CCDC146: variants seen among roughly 807,000 people sequenced by gnomAD.
CCDC146 encodes coiled-coil domain-containing protein 146.
CCDC146 carries 92 observed loss-of-function variants against 119.3 expected under a neutral mutation model. That is an observed-to-expected ratio of 0.77 (90% confidence interval 0.65 to 0.92). CCDC146 has a LOEUF of 0.92. Ranked by LOEUF, CCDC146 falls within the 40% of genes least tolerant of loss-of-function variation. The pLI, the probability that CCDC146 is intolerant of heterozygous loss-of-function variation, is 0.00. For synonymous variants in CCDC146, 372 were observed against 371.8 expected, an observed-to-expected ratio of 1.00 and a Z score of -0.01; for missense variants, 1,000 against 1,103.0, an observed-to-expected ratio of 0.91 and a Z score of 1.32.
chr7:77,148,850 A>G (rs1315031926), intron 1 of CCDC146, among the ~76,000 whole-genome samples: 1 of 151,904 alleles, frequency 6.6e-6, no homozygotes, highest in Non-Finnish European at 1.5e-5. Context: ...AAATGGAAAA[A>G]CATTCCATGC....
At chr7:77,191,992 T>C (rs1024557373) in intron 2 of CCDC146, among the ~76,000 whole-genome samples, 1 of 151,910 alleles carries the variant, frequency 6.6e-6, no homozygotes, top group Non-Finnish European at 1.5e-5. Context: ...AGTGGCGCCA[T>C]CTCTGCTCAC....
At chr7:77,173,273 G>C (rs1041242184) in intron 2 of CCDC146, among the ~76,000 whole-genome samples, 17 of 151,924 alleles carry the variant, frequency 1.1e-4, no homozygotes, top group South Asian at 4.2e-4. Context: ...ACCTATGATC[G>C]CAATAAGACC....
chr7:77,245,160 T>C (rs1792925073), intron 4 of CCDC146, among the ~76,000 whole-genome samples: 1 of 152,248 alleles, frequency 6.6e-6, no homozygotes, highest in African/African-American at 2.4e-5. Context: ...ATTAAATCTA[T>C]GTTGCAGTAG....
At chr7:77,288,298 G>GA (rs1254837252) in intron 17 of CCDC146, among the ~76,000 whole-genome samples, 1 of 152,218 alleles carries the variant, frequency 6.6e-6, no homozygotes, top group Non-Finnish European at 1.5e-5. Context: ...TGCTGTAAAG[G>GA]AATACCTGAG....
chr7:77,198,910 C>T (rs1471537820), intron 2 of CCDC146: 2 of 476,718 alleles, frequency 4.2e-6, no homozygotes. Context: ...ATTCTCTCTA[C>T]TTCTGCTTGC....
At chr7:77,189,317 T>C (rs1415527195) in intron 2 of CCDC146, among the ~76,000 whole-genome samples, 1 of 152,170 alleles carries the variant, frequency 6.6e-6, no homozygotes, top group African/African-American at 2.4e-5. Flanking sequence ...ATTGTTATTA[T>C]CTACCACTGG....
At chr7:77,161,857 G>A (rs929652519) in intron 1 of CCDC146, among the ~76,000 whole-genome samples, 13 of 148,244 alleles carry the variant, frequency 8.8e-5, no homozygotes, top group African/African-American at 1.7e-4. Context: ...GGTGTGAGGC[G>A]ACATCTTATT....
At chr7:77,237,110 T>C (rs1398424792) in intron 3 of CCDC146, 81 bp downstream of exon 3, 1 of 1,155,348 alleles carries the variant, frequency 8.7e-7, no homozygotes. Flanking sequence ...TCATTTGCAT[T>C]CCCCCATAAG....
chr7:77,144,366 A>G (rs933281045), intron 1 of CCDC146, among the ~76,000 whole-genome samples: 20 of 151,616 alleles, frequency 1.3e-4, no homozygotes, highest in Admixed American at 3.9e-4. Context: ...CTGCAAACAG[A>G]GACAATTTGA....
At chr7:77,238,694 G>C (rs1792786316) in intron 3 of CCDC146, among the ~76,000 whole-genome samples, 1 of 152,186 alleles carries the variant, frequency 6.6e-6, no homozygotes, top group South Asian at 2.1e-4. Flanking sequence ...TGGGATTACA[G>C]GCGTGAGCCA....
In CCDC146 at chr7:77,280,447, G is replaced by A. The variant is rs771660449; in HGVS notation, c.1713G>A (p.Met571Ile). 8 of 1,611,698 alleles carry A rather than the reference G, an allele frequency of 5.0e-6. No homozygotes were observed. In the South Asian group the frequency reaches 8.9e-5, roughly 18 times the overall value. The change falls in exon 14 of 19, where the codon ATG becomes ATA. Residue 571 changes from methionine to isoleucine, a missense_variant. Met to Ile is a conservative substitution (Grantham distance 10). Around this residue, in one of 2 missense-constraint regions of CCDC146, gnomAD observed 985 missense variants for 1,045.3 expected, o/e 0.94. Coordinates refer to ENST00000285871, the MANE Select transcript of CCDC146 (RefSeq NM_020879.3). ...TTAAAAGAAAGCTACAAAATTCCATGCTGAAACACGCCAACAATGTTACCA... is the reference window on the plus strand; with the variant it reads ...TTAAAAGAAAGCTACAAAATTCCATACTGAAACACGCCAACAATGTTACCA... ...VSQERKLQNS[M>I]LKHANNVTIR... is the part of the protein sequence containing the mutation.
chr7:77,248,267 A>G (rs1792992625), intron 4 of CCDC146, among the ~76,000 whole-genome samples: 1 of 152,190 alleles, frequency 6.6e-6, no homozygotes, highest in South Asian at 2.1e-4. Context: ...CTGGAGACTT[A>G]GAAGGGTGGG....
rs148777997 is a variant in CCDC146, at chr7:77,250,856, A to G, written c.450-3650A>G. Among the ~76,000 whole-genome samples the G allele has an allele frequency of 2.3e-5, 3 of 128,794 alleles. No homozygotes were observed. In the South Asian group the frequency reaches 7.7e-4, roughly 33 times the overall value. The allele number at this position is 128,794 out of a possible 152,430, so 84.5% of individuals were successfully genotyped here. A position where few individuals can be genotyped will look rare whatever the true frequency, so the allele number is the denominator to read the frequency against. On this transcript the variant is annotated intron_variant, in intron 4 of 18. Coordinates refer to ENST00000285871, the MANE Select transcript of CCDC146 (RefSeq NM_020879.3). ...TTTTTTTTTTTTTTCCAGTTTGGGTAGTGTCTAGTAAGATATCCTCAAGCT... is the reference window on the plus strand; with the variant it reads ...TTTTTTTTTTTTTTCCAGTTTGGGTGGTGTCTAGTAAGATATCCTCAAGCT...
At chr7:77,233,698 A>C (rs1385744505) in intron 2 of CCDC146, among the ~76,000 whole-genome samples, 2 of 152,144 alleles carry the variant, frequency 1.3e-5, no homozygotes, top group Non-Finnish European at 2.9e-5. Context: ...CTCCTATGAG[A>C]ATCTAATGCC....
chr7:77,205,180 T>C (rs1053650040), intron 2 of CCDC146, among the ~76,000 whole-genome samples: 2 of 152,224 alleles, frequency 1.3e-5, no homozygotes, highest in Non-Finnish European at 2.9e-5. Context: ...TCATTTCTCA[T>C]ATTCATGGTA....
intron 2 of CCDC146, among the ~76,000 whole-genome samples, chr7:77,217,110 T>G (rs1792314780): frequency 6.6e-6 from 1 of 152,152 alleles, no homozygotes; most frequent in Non-Finnish European, 1.5e-5. Flanking sequence ...CATTAAATTA[T>G]CAAAGGTTAA....
chr7:77,280,785 G>C (rs1793748450), intron 14 of CCDC146, 132 bp downstream of exon 14: 1 of 654,984 alleles, frequency 1.5e-6, no homozygotes, highest in East Asian at 2.7e-5. Flanking sequence ...GGAGAGAAGG[G>C]ACTGTGTGTT....
In CCDC146 at chr7:77,260,184, G is replaced by C. The variant is rs138325273; in HGVS notation, c.934G>C (p.Val312Leu). 178 of 1,613,936 alleles carry C rather than the reference G, an allele frequency of 1.1e-4. No individual in the cohort carries two copies. The highest frequency in any genetic ancestry group is 1.4e-4 in the Non-Finnish European group (171 of 1,179,996). ...CAAAGAACGAGAACATAACCAATTG[G>C]TCAAGCTATTGGAATTAGCCAGAGA... ...EIKEREHNQL[V>L]KLLELARENE... Residue 312 changes from valine to leucine, a missense_variant, in exon 8 of 19, where the codon GTC becomes CTC. This residue lies in a region of CCDC146 where 985 missense variants were observed against 1,045.3 expected (regional missense o/e 0.94). Coordinates refer to ENST00000285871, the MANE Select transcript of CCDC146 (RefSeq NM_020879.3).
chr7:77,254,132 G>A (rs2150505872), intron 4 of CCDC146, among the ~76,000 whole-genome samples: 1 of 152,342 alleles, frequency 6.6e-6, no homozygotes, highest in Middle Eastern at 3.4e-3. Flanking sequence ...TGCAGGCAAA[G>A]TAGGAGATCG....
Sources: allele counts gnomAD v4.1 joint callset (sites outside exome capture counted in the v4.1 genomes callset), GRCh38; gene constraint gnomAD v4.1.1; regional missense constraint gnomAD v4.1.1; transcripts MANE v1.5; gene names NCBI Gene and HGNC (gene_info 2026-07-23, HGNC 2026-07-21).